DGKB: variants seen among roughly 807,000 people sequenced by gnomAD.
DGKB encodes 90 kDa diacylglycerol kinase.
In DGKB, 67 loss-of-function variants were observed where a neutral mutation model predicts 114.3. The ratio of observed to expected loss-of-function variants is 0.59; its 90% CI spans 0.48 to 0.72. The LOEUF is 0.72. DGKB is among the 30% of genes least tolerant of loss of function. DGKB has a pLI of 0.00. For missense variants in DGKB, 907 were observed against 975.2 expected, an observed-to-expected ratio of 0.93 and a Z score of 0.93; for synonymous variants, 398 against 323.1, an observed-to-expected ratio of 1.23 and a Z score of -2.49.
intron 20 of DGKB, among the ~76,000 whole-genome samples, chr7:14,567,237 T>A (rs1315256761): frequency 3.8e-5 from 2 of 53,112 alleles, no homozygotes; most frequent in East Asian, 1.4e-3. Flanking sequence ...TATATAATTA[T>A]ATTATATATA....
chr7:14,442,443 A>G (rs2128814928), intron 21 of DGKB, among the ~76,000 whole-genome samples: 1 of 152,126 alleles, frequency 6.6e-6, no homozygotes, highest in Non-Finnish European at 1.5e-5. Flanking sequence ...TTCAGTAAAC[A>G]AATATCTAAT....
At chr7:14,734,106 C>T (rs373080964) in intron 5 of DGKB, among the ~76,000 whole-genome samples, 101 of 151,992 alleles carry the variant, frequency 6.6e-4, no homozygotes, top group African/African-American at 2.3e-3. Flanking sequence ...GCGATCTCGG[C>T]TTACTGCAAC....
intron 4 of DGKB, among the ~76,000 whole-genome samples, chr7:14,747,252 G>A (rs1833430729): frequency 6.8e-6 from 1 of 147,986 alleles, no homozygotes; most frequent in South Asian, 2.1e-4. Context: ...GAGTACTGTG[G>A]CCCAATCATA....
chr7:14,567,824 C>T (rs576483781), intron 20 of DGKB, among the ~76,000 whole-genome samples: 1 of 151,670 alleles, frequency 6.6e-6, no homozygotes, highest in African/African-American at 2.4e-5. Flanking sequence ...CCAGGCTGGC[C>T]TTGAACTCCT....
In DGKB at chr7:14,227,891, A is replaced by G. The variant is rs374937452; in HGVS notation, c.2123-49740T>C. On this transcript the variant is annotated intron_variant, in intron 23 of 25. Transcript: ENST00000402815. ...TCTATGTTCAGAATTCTGAATGACT[A>G]TGTATGCCACAAGAAAATATAAAAT... Among the ~76,000 whole-genome samples the G allele has an allele frequency of 2.7e-3, 410 of 152,180 alleles. 1 individual carries two copies. The highest frequency in any genetic ancestry group is 0.017 in the Middle Eastern group (5 of 294).
intron 23 of DGKB, among the ~76,000 whole-genome samples, chr7:14,181,379 C>T (rs1782615290): frequency 6.6e-6 from 1 of 152,130 alleles, no homozygotes; most frequent in Non-Finnish European, 1.5e-5. Context: ...ACATAATGTT[C>T]CAGCATTAAT....
intron 23 of DGKB, among the ~76,000 whole-genome samples, chr7:14,255,793 G>A (rs557808470): frequency 1.4e-5 from 2 of 144,188 alleles, no homozygotes; most frequent in East Asian, 4.2e-4. Flanking sequence ...ATGGTTATTT[G>A]CACTTTTTTC....
chr7:14,941,933 G>A (rs1785591655), intron 1 of DGKB, among the ~76,000 whole-genome samples: 1 of 151,968 alleles, frequency 6.6e-6, no homozygotes, highest in South Asian at 2.1e-4. Context: ...AATTCAGTAA[G>A]TAATCATATA....
At chr7:14,629,182 C>G (rs1408145345) in intron 14 of DGKB, among the ~76,000 whole-genome samples, 9 of 152,026 alleles carry the variant, frequency 5.9e-5, no homozygotes, top group African/African-American at 1.2e-4. Flanking sequence ...AAATAATAAA[C>G]TGTCCTAATA....
intron 23 of DGKB, among the ~76,000 whole-genome samples, chr7:14,225,073 A>T (rs1181271031): frequency 1.3e-5 from 2 of 152,014 alleles, no homozygotes; most frequent in Admixed American, 6.6e-5. Flanking sequence ...AGAATCCACC[A>T]ATCTCCCCCC....
intron 21 of DGKB, among the ~76,000 whole-genome samples, chr7:14,444,632 G>A (rs1830496853): frequency 6.6e-6 from 1 of 151,780 alleles, no homozygotes; most frequent in Non-Finnish European, 1.5e-5. Context: ...GATGTTTATT[G>A]AAAATTACAC....
At chr7:14,658,330 T>C (rs1358468135) in intron 13 of DGKB, among the ~76,000 whole-genome samples, 1 of 151,940 alleles carries the variant, frequency 6.6e-6, no homozygotes, top group Admixed American at 6.6e-5. Context: ...AAGATTAATA[T>C]TACATGTTCT....
intron 23 of DGKB, among the ~76,000 whole-genome samples, chr7:14,195,467 T>C (rs1018901823): frequency 8.5e-5 from 13 of 152,186 alleles, no homozygotes; most frequent in African/African-American, 3.1e-4. Flanking sequence ...GTTCCAGCAA[T>C]GAAAAGCAAT....
Position 14,149,036 on chromosome 7 carries a change from G to T in DGKB, c.*95C>A. On this transcript the variant is annotated 3_prime_UTR_variant, in exon 26 of 26. Coordinates refer to ENST00000402815, the MANE Select transcript of DGKB (RefSeq NM_001350709.2). ...TTAAACCACTTCCATGATTTTGCAT[G>T]AGCAGGAGACTTGAAATGGTTCAAA... 1.9e-6 allele frequency: 2 copies of T among 1,070,788 alleles called. No individual in the cohort carries two copies. The highest frequency in any genetic ancestry group is 2.6e-5 in the South Asian group (2 of 78,430). The allele number at this position is 1,070,788 out of a possible 1,614,324, so 66.3% of individuals were successfully genotyped here.
intron 1 of DGKB, among the ~76,000 whole-genome samples, chr7:14,862,364 T>C (rs80066123): frequency 0.023 from 3,570 of 152,206 alleles, 66 homozygotes; most frequent in Non-Finnish European, 0.036. Context: ...TCCAGTGTTC[T>C]TAACTATAAT....
intron 2 of DGKB, among the ~76,000 whole-genome samples, chr7:14,808,687 C>A (rs1247838193): frequency 1.3e-5 from 2 of 152,024 alleles, no homozygotes; most frequent in Admixed American, 6.6e-5. Context: ...CAGGTGGAAA[C>A]TGATGAGAAT....
At chr7:14,855,010 G>A (rs1296952946) in intron 1 of DGKB, among the ~76,000 whole-genome samples, 1 of 152,062 alleles carries the variant, frequency 6.6e-6, no homozygotes, top group Non-Finnish European at 1.5e-5. Flanking sequence ...CAAATGAACA[G>A]AAACTCTAAA....
At chr7:14,321,550 A>G (rs764622933) in intron 23 of DGKB, among the ~76,000 whole-genome samples, 2 of 151,108 alleles carry the variant, frequency 1.3e-5, no homozygotes, top group African/African-American at 2.4e-5. Context: ...ACCAACGTCC[A>G]TTTTCACCCC....
intron 2 of DGKB, among the ~76,000 whole-genome samples, chr7:14,777,540 G>C (rs543003434): frequency 6.6e-6 from 1 of 152,212 alleles, no homozygotes. Flanking sequence ...GTTTAATAAG[G>C]GGCTTTTCTT....
Sources: gnomAD v4.1 joint callset for allele counts (sites outside exome capture counted in the v4.1 genomes callset) on GRCh38, gnomAD v4.1.1 for gene constraint, MANE v1.5 for transcripts, NCBI Gene and HGNC (gene_info 2026-07-23, HGNC 2026-07-21) for gene names.